The following SDK1 variants were observed in gnomAD, a reference collection of about 807,000 sequenced individuals.
SDK1 encodes the protein sidekick cell adhesion molecule 1, also known as protein sidekick-1.
Under a neutral mutation model 245.5 loss-of-function variants are expected in SDK1, and 157 were observed. The observed-to-expected ratio is 0.64, with a 90% confidence interval of 0.56 to 0.73. The LOEUF is 0.73. Among genes scored for constraint, SDK1 ranks in the 30% least tolerant of loss-of-function variants. SDK1 has a pLI of 0.00. For missense variants in SDK1, 3,583 were observed against 3,002.3 expected, an observed-to-expected ratio of 1.19 and a Z score of -4.52; for synonymous variants, 1,647 against 1,278.5, an observed-to-expected ratio of 1.29 and a Z score of -6.15.
At chr7:3,635,590 A>C (rs1290180583) in intron 2 of SDK1, among the ~76,000 whole-genome samples, 1 of 152,264 alleles carries the variant, frequency 6.6e-6, no homozygotes, top group African/African-American at 2.4e-5. Flanking sequence ...GTAAAAGGAA[A>C]TACTTTTAAA....
In SDK1 at chr7:3,398,593, T is replaced by C. The variant is rs150313557; in HGVS notation, c.298+96709T>C. ...AAAATACTTTTCCCCAGATGCATTT[T>C]GGCATGCTTACTTTTCCCCTTGCCC... On this transcript the variant is annotated intron_variant, in intron 1 of 44. Coordinates refer to ENST00000404826, the MANE Select transcript of SDK1 (RefSeq NM_152744.4). Among the ~76,000 whole-genome samples, 34 of 152,188 alleles carry C rather than the reference T, an allele frequency of 2.2e-4. No homozygotes were observed. In the East Asian group the frequency reaches 5.4e-3, roughly 24 times the overall value.
At chr7:3,392,283 T>A (rs753515220) in intron 1 of SDK1, among the ~76,000 whole-genome samples, 2 of 152,200 alleles carry the variant, frequency 1.3e-5, no homozygotes, top group Admixed American at 6.5e-5. Context: ...TATTAACTTA[T>A]GAGACTTTAA....
chr7:3,529,051 G>C (rs1001282201), intron 1 of SDK1, among the ~76,000 whole-genome samples: 3 of 152,134 alleles, frequency 2.0e-5, no homozygotes, highest in Non-Finnish European at 4.4e-5. Flanking sequence ...TAAATATATT[G>C]AGGGTAAAGG....
At position 3,419,094 on chromosome 7, in the gene SDK1, T is replaced by A. The variant is rs145585367; in HGVS notation, c.298+117210T>A. Among the ~76,000 whole-genome samples the A allele has an allele frequency of 1.3e-3, 198 of 152,354 alleles. 2 individuals are homozygous for A. The South Asian group carries it at 0.013, about 10-fold the overall frequency. On this transcript the variant is annotated intron_variant, in intron 1 of 44. Coordinates refer to ENST00000404826, the MANE Select transcript of SDK1 (RefSeq NM_152744.4). ...TACGGTATTTTTGATCTGCATTTGA[T>A]TGAAATGCATTTGAGCTGCTCAGTT...
chr7:3,335,049 A>G lies in SDK1; in HGVS notation c.298+33165A>G, dbSNP rs73290052. Among the ~76,000 whole-genome samples the G allele has an allele frequency of 9.0e-3, 1,366 of 152,224 alleles. 25 individuals carry two copies. Among genetic ancestry groups the G allele is most frequent in the African/African-American group, 0.031 (1,286 of 41,544 alleles). The stretch of plus-strand genomic sequence containing the variant: ...TCTGTTTTCTCTGCTTTTAAAACAT[A>G]CCCTGAAACCAGTCACTTATAATCA... On this transcript the variant is annotated intron_variant, in intron 1 of 44. Transcript: ENST00000404826.
intron 1 of SDK1, among the ~76,000 whole-genome samples, chr7:3,443,947 T>C (rs1780269893): frequency 6.6e-6 from 1 of 152,224 alleles, no homozygotes; most frequent in South Asian, 2.1e-4. Context: ...ACAAATGGTT[T>C]AATAACAAAA....
At chr7:4,165,743 G>A (rs1431630963) in intron 32 of SDK1, among the ~76,000 whole-genome samples, 2 of 152,174 alleles carry the variant, frequency 1.3e-5, no homozygotes, top group African/African-American at 4.8e-5. Flanking sequence ...ACCCACCTTG[G>A]TCTCCCAAAG....
chr7:3,796,596 C>T (rs1778967395), intron 4 of SDK1, among the ~76,000 whole-genome samples: 1 of 152,216 alleles, frequency 6.6e-6, no homozygotes, highest in East Asian at 1.9e-4. Context: ...GCAACCACTT[C>T]TTACCATCTC....
rs546951344 is a variant in SDK1 at position 4,219,733 on chromosome 7, C to T, written c.5540-376C>T. Among the ~76,000 whole-genome samples the T allele has an allele frequency of 1.2e-4, 19 of 152,228 alleles. No homozygotes were observed. The South Asian group carries it at 3.9e-3, about 32-fold the overall frequency. ...AAGTGACACCAGACTTTGCACAGCT[C>T]AGAGCCAAGTGGGAAGGGACATTCC... is the stretch of plus-strand genomic sequence containing the variant. On this transcript the variant is annotated intron_variant, in intron 38 of 44. Transcript: ENST00000404826.
chr7:4,193,298 A>G (rs1783335446), intron 35 of SDK1, among the ~76,000 whole-genome samples: 1 of 137,660 alleles, frequency 7.3e-6, no homozygotes, highest in African/African-American at 2.7e-5. Flanking sequence ...AAAATTACAT[A>G]TAAAAATATT....
intron 5 of SDK1, among the ~76,000 whole-genome samples, chr7:3,908,007 A>G (rs554976886): frequency 1.3e-5 from 2 of 152,066 alleles, no homozygotes; most frequent in Admixed American, 1.3e-4. Flanking sequence ...CTGAACCAAT[A>G]CTCATTCCTG....
intron 14 of SDK1, among the ~76,000 whole-genome samples, chr7:3,988,201 G>A (rs578221724): frequency 3.1e-4 from 35 of 114,576 alleles, no homozygotes; most frequent in South Asian, 1.6e-3. Flanking sequence ...CCAGCACCCC[G>A]CATTTCTATA....
rs1240681705 is a variant in SDK1 at position 4,026,519 on chromosome 7, C to T, written c.2602+9167C>T. ...GCGGGCTCTCCCCACGTGCTGTGCC[C>T]CCACCCCAGCCCAAACACTGGCCCC... On this transcript the variant is annotated intron_variant, in intron 17 of 44. Coordinates refer to ENST00000404826, the MANE Select transcript of SDK1 (RefSeq NM_152744.4). This position sits in a 1 kb window ranked among gnomAD's most constrained non-coding sequence, Gnocchi z 4.1. Among the ~76,000 whole-genome samples, 1 of 152,204 alleles carries T rather than the reference C, an allele frequency of 6.6e-6. No individual in the cohort carries two copies. The highest frequency in any genetic ancestry group is 1.5e-5 in the Non-Finnish European group (1 of 68,040).
intron 20 of SDK1, among the ~76,000 whole-genome samples, chr7:4,076,111 A>G (rs1336596431): frequency 6.6e-6 from 1 of 152,264 alleles, no homozygotes; most frequent in East Asian, 1.9e-4. Flanking sequence ...CAAAACTCAC[A>G]CACTCAGGTG....
chr7:3,475,089 T>C (rs1781312187), intron 1 of SDK1, among the ~76,000 whole-genome samples: 1 of 152,220 alleles, frequency 6.6e-6, no homozygotes, highest in African/African-American at 2.4e-5. Flanking sequence ...TTAAAACACA[T>C]TTAATCATGA....
intron 12 of SDK1, among the ~76,000 whole-genome samples, chr7:3,972,741 G>C (rs571331342): frequency 6.6e-6 from 1 of 152,170 alleles, no homozygotes; most frequent in Non-Finnish European, 1.5e-5. Flanking sequence ...GCGGAGACTC[G>C]GCTGTTCTCT....
intron 1 of SDK1, among the ~76,000 whole-genome samples, chr7:3,409,839 C>T (rs567885674): frequency 6.6e-6 from 1 of 152,136 alleles, no homozygotes; most frequent in African/African-American, 2.4e-5. Context: ...TGGTAAGACA[C>T]CTTGTGGAAC....
rs558820209 is a variant in SDK1, at chr7:4,129,936, C to T, written c.3968C>T (p.Pro1323Leu). The change falls in exon 27 of 45, where the codon CCC (proline) becomes CTC (leucine). Residue 1323 changes from proline (P) to leucine (L), a missense_variant. Pro to Leu is a moderately conservative substitution (Grantham distance 98). Transcript: ENST00000404826. Reference protein sequence around the residue: ...KILFRAKDLDPEPRSHIVRGN... With the variant: ...KILFRAKDLDLEPRSHIVRGN... The stretch of plus-strand genomic sequence containing the variant: ...CTGTTCCGGGCCAAAGACCTGGATC[C>T]CGAGCCCAGGAGCCACATCGTGCGA... 6.2e-7 allele frequency: 1 copy of T among 1,613,720 alleles called. No homozygotes were observed. The highest frequency in any genetic ancestry group is 1.7e-5 in the Admixed American group (1 of 60,014).
At chr7:3,569,557 G>C (rs934087616) in intron 1 of SDK1, among the ~76,000 whole-genome samples, 2 of 152,234 alleles carry the variant, frequency 1.3e-5, no homozygotes. Context: ...GCTGAGGCCA[G>C]GGTGTCTGTG....
Sources: allele counts gnomAD v4.1 joint callset (sites outside exome capture counted in the v4.1 genomes callset), GRCh38; gene constraint gnomAD v4.1.1; non-coding constraint Gnocchi (gnomAD v3.1); transcripts MANE v1.5; gene names NCBI Gene and HGNC (gene_info 2026-07-23, HGNC 2026-07-21).